Variants in WDTC1 observed in about 807,000 individuals in gnomAD.
WDTC1 encodes the protein WD and tetratricopeptide repeats 1.
A neutral mutation model predicts 76.0 loss-of-function variants in WDTC1; 12 were observed. That is an observed-to-expected ratio of 0.16 (90% CI 0.10 to 0.26). The LOEUF is 0.26. WDTC1 is among the 10% of genes least tolerant of loss of function. WDTC1 has a pLI of 1.00. For synonymous variants in WDTC1, 326 were observed against 350.8 expected, an observed-to-expected ratio of 0.93 and a Z score of 0.79; for missense variants, 511 against 908.8, an observed-to-expected ratio of 0.56 and a Z score of 5.63.
intron 1 of WDTC1, among the ~76,000 whole-genome samples, chr1:27,252,053 T>TA (rs373262364): frequency 4.7e-5 from 7 of 149,174 alleles, no homozygotes; most frequent in South Asian, 2.1e-4. Flanking sequence ...GTCTCAAAAA[T>TA]AAAAAAAACC....
intron 1 of WDTC1, among the ~76,000 whole-genome samples, chr1:27,255,278 A>C (rs1285697559): frequency 6.6e-6 from 1 of 152,178 alleles, no homozygotes; most frequent in East Asian, 1.9e-4. Context: ...TTGCTACTCT[A>C]GGAAATTACA....
intron 6 of WDTC1, among the ~76,000 whole-genome samples, chr1:27,289,670 G>A (rs1303584978): frequency 3.3e-5 from 5 of 152,084 alleles, no homozygotes; most frequent in African/African-American, 9.7e-5. Context: ...CCGAGATCAC[G>A]CCACTGCACT....
intron 2 of WDTC1, among the ~76,000 whole-genome samples, chr1:27,262,631 G>A (rs902319827): frequency 1.6e-4 from 25 of 151,724 alleles, no homozygotes; most frequent in Non-Finnish European, 3.1e-4. Flanking sequence ...CAGGTTCCTT[G>A]GCCTTCCTTG....
At chr1:27,299,622 C>T (rs1399560636) in intron 12 of WDTC1, among the ~76,000 whole-genome samples, 1 of 152,106 alleles carries the variant, frequency 6.6e-6, no homozygotes, top group East Asian at 1.9e-4. Flanking sequence ...CGGAAAGGGA[C>T]TGGCAGGAGA....
rs1211330695 is a variant in WDTC1, at chr1:27,305,143, G to A, written c.1786G>A (p.Ala596Thr). Residue 596 changes from alanine (A) to threonine (T), a missense_variant, in exon 15 of 16, where the codon GCC becomes ACC. Coordinates refer to ENST00000319394, the MANE Select transcript of WDTC1 (RefSeq NM_001276252.2). The surrounding 1 kb of genome is among the most constrained non-coding windows in gnomAD (Gnocchi z 4.6). The part of the protein sequence containing the change: ...LQPHPSYCFL[A>T]TSGIDPVVRL... Reference sequence around the variant, plus strand: ...GCCACACCCCAGCTACTGCTTCCTGGCCACCAGTGGCATCGATCCTGTTGT... The same window carrying A: ...GCCACACCCCAGCTACTGCTTCCTGACCACCAGTGGCATCGATCCTGTTGT... 6.2e-7 allele frequency: 1 copy of A among 1,614,068 alleles called. No homozygotes were observed. Among genetic ancestry groups the A allele is most frequent in the South Asian group, 1.1e-5 (1 of 91,086 alleles).
chr1:27,285,445 T>C (rs919870754), intron 5 of WDTC1, among the ~76,000 whole-genome samples: 5 of 152,046 alleles, frequency 3.3e-5, no homozygotes, highest in Admixed American at 6.6e-5. Flanking sequence ...GTGTAGGACA[T>C]TGCCCCTCCC....
At chr1:27,283,533 G>A in intron 5 of WDTC1, 84 bp downstream of exon 5, 3 of 1,261,442 alleles carry the variant, frequency 2.4e-6, no homozygotes, top group Non-Finnish European at 3.4e-6. Context: ...ATGTTGGTAT[G>A]TGTGTGTCCC....
intron 12 of WDTC1, among the ~76,000 whole-genome samples, chr1:27,300,508 C>G (rs927642795): frequency 2.6e-5 from 4 of 152,092 alleles, no homozygotes; most frequent in African/African-American, 9.7e-5. Context: ...GCTTCCCCAT[C>G]AAAAGCACTC....
intron 4 of WDTC1, 133 bp from the exon 5 acceptor site, chr1:27,283,205 G>C: frequency 4.3e-6 from 3 of 701,238 alleles, no homozygotes; most frequent in Non-Finnish European, 7.2e-6. Flanking sequence ...TGTTTACAAG[G>C]CAACCTTAAA....
intron 6 of WDTC1, among the ~76,000 whole-genome samples, chr1:27,291,155 A>G (rs1425972368): frequency 6.6e-6 from 1 of 152,264 alleles, no homozygotes; most frequent in Non-Finnish European, 1.5e-5. Context: ...TGGATGAGCA[A>G]GGAAAAGCAG....
intron 1 of WDTC1, among the ~76,000 whole-genome samples, chr1:27,243,443 C>T (rs560352315): frequency 9.2e-5 from 14 of 152,114 alleles, no homozygotes; most frequent in African/African-American, 3.1e-4. Context: ...GAACTCCTGA[C>T]CTCAAGTGAT....
chr1:27,273,040 A>G (rs2012915360), intron 3 of WDTC1, among the ~76,000 whole-genome samples: 1 of 152,164 alleles, frequency 6.6e-6, no homozygotes, highest in Non-Finnish European at 1.5e-5. Flanking sequence ...GCCATTCTCT[A>G]TTAAAAGGAA....
chr1:27,301,374 G>T lies in WDTC1; in HGVS notation c.1381G>T (p.Gly461Trp). ...CCTGGAGTGCCTGGACGACTTCAAA[G>T]GGAAATTTCCGGAGCAGGCCCACAG... ...EALECLDDFKGKFPEQAHSSA... is the reference protein window; with the variant it reads ...EALECLDDFKWKFPEQAHSSA... Residue 461 changes from glycine (G) to tryptophan (W), a missense_variant, in exon 13 of 16, where the codon GGG becomes TGG. Physicochemically the swap from Gly to Trp is radical, Grantham distance 184. Transcript: ENST00000319394. This position sits in a 1 kb window ranked among gnomAD's most constrained non-coding sequence, Gnocchi z 5.8. 1 of 1,614,186 alleles carries T rather than the reference G, an allele frequency of 6.2e-7. No homozygotes were observed. The highest frequency in any genetic ancestry group is 8.5e-7 in the Non-Finnish European group (1 of 1,180,034).
intron 3 of WDTC1, among the ~76,000 whole-genome samples, chr1:27,276,630 T>C (rs911531979): frequency 9.2e-5 from 14 of 151,550 alleles, no homozygotes; most frequent in African/African-American, 2.4e-4. Context: ...GAGGAGGAGA[T>C]TGCAGTGAGC....
At chr1:27,268,753 C>T (rs1195339462) in intron 3 of WDTC1, among the ~76,000 whole-genome samples, 2 of 149,228 alleles carry the variant, frequency 1.3e-5, no homozygotes, top group East Asian at 2.0e-4. Flanking sequence ...CTCACTCTGT[C>T]GCTCAGGCTG....
chr1:27,267,035 A>G (rs190881166), intron 3 of WDTC1, among the ~76,000 whole-genome samples: 1 of 152,298 alleles, frequency 6.6e-6, no homozygotes, highest in African/African-American at 2.4e-5. Flanking sequence ...AGCTTTCATA[A>G]CCTTATCCCT....
chr1:27,296,308 TGCCCCCC>T lies in WDTC1; in HGVS notation c.874-17_874-11del. 1 of 1,614,076 alleles carries T rather than the reference TGCCCCCC, an allele frequency of 6.2e-7. No individual in the cohort carries two copies. Among genetic ancestry groups the T allele is most frequent in the Non-Finnish European group, 8.5e-7 (1 of 1,179,992 alleles). On this transcript the variant is annotated splice_polypyrimidine_tract_variant and intron_variant, in intron 9 of 15. Transcript: ENST00000319394. The stretch of plus-strand genomic sequence containing the variant: ...ACCTCACAGCTTCCATCTCTTTTTT[TGCCCCCC>T]TCAACTCTAGGTCTATTTGTTTGAC...
intron 4 of WDTC1, 126 bp from the exon 5 acceptor site, chr1:27,283,212 T>A: frequency 1.3e-6 from 1 of 761,172 alleles, no homozygotes; most frequent in South Asian, 1.7e-5. Flanking sequence ...AAGGCAACCT[T>A]AAATTCTGTG....
chr1:27,264,043 C>T (rs1341949777), intron 3 of WDTC1, among the ~76,000 whole-genome samples: 1 of 151,502 alleles, frequency 6.6e-6, no homozygotes, highest in African/African-American at 2.4e-5. Flanking sequence ...ATTCGCAGCA[C>T]TTTGGGAGGT....
Sources: gnomAD v4.1 joint callset for allele counts (sites outside exome capture counted in the v4.1 genomes callset) on GRCh38, gnomAD v4.1.1 for gene constraint, Gnocchi (gnomAD v3.1) non-coding constraint, MANE v1.5 for transcripts, NCBI Gene and HGNC (gene_info 2026-07-23, HGNC 2026-07-21) for gene names.